The following RHOBTB2 variants were observed in gnomAD, a reference collection of about 807,000 sequenced individuals.
The protein encoded by RHOBTB2 is Rho related BTB domain containing 2.
A neutral mutation model predicts 66.5 loss-of-function variants in RHOBTB2; 39 were observed. The observed-to-expected ratio is 0.59, with a 90% confidence interval of 0.45 to 0.77. The LOEUF (loss-of-function observed/expected upper bound fraction) is 0.77, where lower values mean the gene tolerates loss of function less well. Among genes scored for constraint, RHOBTB2 ranks in the 30% least tolerant of loss-of-function variants. RHOBTB2 has a pLI of 0.00. For missense variants in RHOBTB2, 755 were observed against 999.1 expected (o/e 0.76, Z 3.29); for synonymous variants, 390 against 395.0 (o/e 0.99, Z 0.15).
At chr8:22,991,788 C>T (rs1439651536) in intron 1 of RHOBTB2, among the ~76,000 whole-genome samples, 1 of 152,184 alleles carries the variant, frequency 6.6e-6, no homozygotes, top group Non-Finnish European at 1.5e-5. Context: ...CAGGTGAGAA[C>T]CACAGCCCTT....
In RHOBTB2 at chr8:23,007,332, CGT is replaced by C; in HGVS notation, c.1089_1090del (p.Ala364PhefsTer76). 1.9e-6 allele frequency: 3 copies of C among 1,613,622 alleles called. No individual in the cohort carries two copies. The highest frequency in any genetic ancestry group is 2.5e-6 in the Non-Finnish European group (3 of 1,179,782). On this transcript the variant is annotated frameshift_variant, in exon 5 of 10. Coordinates refer to ENST00000251822, the MANE Select transcript of RHOBTB2 (RefSeq NM_015178.3). LOFTEE classifies it high-confidence loss of function. ...TGGGGGCTCCGGTCCTGCTGGCCTC[CGT>C]GCTTCCACCAGCGACGGGATCTTAC... ...EAGGSGPAGL[R>X]ASTSDGILRG...
chr8:22,963,358 A>G, the RHOBTB2 span, among the ~76,000 whole-genome samples: 1 of 152,238 alleles, frequency 6.6e-6, no homozygotes, highest in South Asian at 2.1e-4. Flanking sequence ...AGAGAAATGA[A>G]GACACATATT....
In RHOBTB2 at chr8:23,004,873, T is replaced by G. The variant is rs1469835550; in HGVS notation, c.192+247T>G. On this transcript the variant is annotated intron_variant, in intron 2 of 9. Coordinates refer to ENST00000251822, the MANE Select transcript of RHOBTB2 (RefSeq NM_015178.3). This position sits in a 1 kb window ranked among gnomAD's most constrained non-coding sequence, Gnocchi z 6.4. ...TGGTGCCTGGGACTCCATCTTTGTC[T>G]GGGGTACCGCATTGTATGTAGTCAC... is the stretch of plus-strand genomic sequence containing the variant. 5.3e-6 allele frequency: 3 copies of G among 567,578 alleles called. No homozygotes were observed. In the Admixed American group the frequency reaches 9.1e-5, roughly 17 times the overall value. The allele number at this position is 567,578 out of a possible 1,614,324, so 35.2% of individuals were successfully genotyped here.
At chr8:22,994,262 G>A (rs530237194) in intron 2 of RHOBTB2, among the ~76,000 whole-genome samples, 2 of 152,296 alleles carry the variant, frequency 1.3e-5, no homozygotes, top group East Asian at 3.9e-4. Context: ...ATGACTGACC[G>A]CTCTTTTCCA....
At chr8:22,978,495 A>T in the RHOBTB2 span, among the ~76,000 whole-genome samples, 1 of 150,924 alleles carries the variant, frequency 6.6e-6, no homozygotes, top group Admixed American at 6.6e-5. Context: ...CAAAAAAAAA[A>T]AAAACAAAAA....
chr8:23,007,090 A>G lies in RHOBTB2; in HGVS notation c.845A>G (p.Lys282Arg). Residue 282 changes from lysine (K) to arginine (R), a missense_variant, in exon 5 of 10, where the codon AAG becomes AGG. Lys to Arg is a conservative substitution (Grantham distance 26). This residue lies in a region of RHOBTB2 where 247 missense variants were observed against 238.9 expected (regional missense o/e 1.03). Coordinates refer to ENST00000251822, the MANE Select transcript of RHOBTB2 (RefSeq NM_015178.3). ...GAGCGGGTGCGCATCTTTGCCCACA[A>G]GATCTACCTCTCCACCTCTTCCTCC... ...LQERVRIFAH[K>R]IYLSTSSSKF... 1.2e-6 allele frequency: 2 copies of G among 1,611,088 alleles called. No homozygotes were observed. The highest frequency in any genetic ancestry group is 1.7e-6 in the Non-Finnish European group (2 of 1,179,826).
the RHOBTB2 span, among the ~76,000 whole-genome samples, chr8:22,956,737 C>T: frequency 1.3e-5 from 2 of 152,232 alleles, no homozygotes; most frequent in East Asian, 1.9e-4. Context: ...TCTTGACTCA[C>T]TGCAACCTCC....
At position 23,015,725 on chromosome 8, in the gene RHOBTB2, A is replaced by G. The variant is rs781175694; in HGVS notation, c.1948A>G (p.Met650Val). ...NNVCRKFPRD[M>V]KAMSPENQEY... ...CGTGTGCCGCAAGTTCCCCCGAGACATGAAGGCCATGTCCCCAGGTGAGCA... is the reference window on the plus strand; with the variant it reads ...CGTGTGCCGCAAGTTCCCCCGAGACGTGAAGGCCATGTCCCCAGGTGAGCA... The change falls in exon 9 of 10, where the codon ATG (methionine) becomes GTG (valine). Residue 650 changes from methionine (M) to valine (V), a missense_variant. Transcript: ENST00000251822. The G allele has an allele frequency of 6.8e-6, 11 of 1,613,182 alleles. No homozygotes were observed. Among genetic ancestry groups the G allele is most frequent in the Admixed American group, 1.7e-5 (1 of 59,978 alleles).
Position 23,004,554 on chromosome 8 carries a change from C to A in RHOBTB2, c.120C>A (p.Leu40=), listed in dbSNP as rs1810890676. Residue 40 remains leucine, a synonymous_variant, in exon 2 of 10, where the codon CTC becomes CTA. Transcript: ENST00000251822. The surrounding 1 kb of genome is among the most constrained non-coding windows in gnomAD (Gnocchi z 6.4). ...LICARACNAT[L]TQYQLLATHV... ...GTGCCCGCGCTTGCAATGCCACCCT[C>A]ACCCAGTACCAGCTGCTGGCCACGC... 8.1e-6 allele frequency: 13 copies of A among 1,614,220 alleles called. No homozygotes were observed. The highest frequency in any genetic ancestry group is 1.1e-5 in the Non-Finnish European group (13 of 1,180,046).
At chr8:22,978,487 AAAAAAAAAAAAAC>A in the RHOBTB2 span, among the ~76,000 whole-genome samples, 1 of 148,960 alleles carries the variant, frequency 6.7e-6, no homozygotes, top group Non-Finnish European at 1.5e-5. Flanking sequence ...ATCTGTCTCA[AAAAAAAAAAAAAC>A]AAAAAAACAA....
At chr8:22,976,630 G>T in the RHOBTB2 span, among the ~76,000 whole-genome samples, 28 of 152,174 alleles carry the variant, frequency 1.8e-4, no homozygotes, top group South Asian at 4.1e-4. Context: ...ATAATCCATA[G>T]AACTTTTTTT....
chr8:22,980,056 C>A, the RHOBTB2 span, among the ~76,000 whole-genome samples: 1 of 151,894 alleles, frequency 6.6e-6, no homozygotes, highest in Non-Finnish European at 1.5e-5. Context: ...CTGTGCCCAG[C>A]CAGGTATAAG....
chr8:22,964,963 C>T, the RHOBTB2 span, among the ~76,000 whole-genome samples: 1 of 151,770 alleles, frequency 6.6e-6, no homozygotes, highest in Non-Finnish European at 1.5e-5. Context: ...ATTACAGGCG[C>T]CCACCACCAC....
At chr8:23,008,371 C>A (rs1182712005) in intron 6 of RHOBTB2, among the ~76,000 whole-genome samples, 1 of 152,136 alleles carries the variant, frequency 6.6e-6, no homozygotes, top group Non-Finnish European at 1.5e-5. Context: ...ACGCAACGTA[C>A]ACATGTGCCA....
the RHOBTB2 span, among the ~76,000 whole-genome samples, chr8:22,978,406 G>A: frequency 2.7e-5 from 4 of 150,390 alleles, no homozygotes; most frequent in Non-Finnish European, 5.9e-5. Flanking sequence ...AGAATGGCGT[G>A]AGCCCGGGAG....
chr8:22,962,602 A>G, the RHOBTB2 span, among the ~76,000 whole-genome samples: 1 of 152,204 alleles, frequency 6.6e-6, no homozygotes. Context: ...TTTATTTTGT[A>G]TTCTAAAAAA....
the RHOBTB2 span, among the ~76,000 whole-genome samples, chr8:22,962,476 G>C: frequency 3.3e-5 from 5 of 152,166 alleles, no homozygotes; most frequent in Non-Finnish European, 7.4e-5. Context: ...CCAAGAACAA[G>C]AAGATGTTGC....
At chr8:23,013,997 C>G (rs570710819) in intron 7 of RHOBTB2, among the ~76,000 whole-genome samples, 2 of 152,330 alleles carry the variant, frequency 1.3e-5, no homozygotes, top group South Asian at 4.1e-4. Flanking sequence ...GACCTGGAAT[C>G]AGCCATTTCT....
chr8:22,986,565 G>A (rs1585177405), upstream of RHOBTB2, among the ~76,000 whole-genome samples: 1 of 152,092 alleles, frequency 6.6e-6, no homozygotes, highest in East Asian at 1.9e-4. Flanking sequence ...GGCCCCCAGT[G>A]CATTGTTATG....
Sources: gnomAD v4.1 joint callset for allele counts (sites outside exome capture counted in the v4.1 genomes callset) on GRCh38, gnomAD v4.1.1 for gene constraint, gnomAD v4.1.1 regional missense constraint, Gnocchi (gnomAD v3.1) non-coding constraint, MANE v1.5 for transcripts, NCBI Gene and HGNC (gene_info 2026-07-23, HGNC 2026-07-21) for gene names.